CDC73: variants seen among roughly 807,000 people sequenced by gnomAD.
The protein encoded by CDC73 is parafibromin.
In CDC73, 21 loss-of-function variants were observed where a neutral mutation model predicts 83.7. The observed-to-expected ratio is 0.25, with a 90% CI of 0.18 to 0.36. The LOEUF (loss-of-function observed/expected upper bound fraction) is 0.36, where lower values mean the gene tolerates loss of function less well. CDC73 is among the 10% of genes least tolerant of loss of function. The pLI, the probability that CDC73 is intolerant of heterozygous loss-of-function variation, is 1.00. For synonymous variants in CDC73, 224 were observed against 212.9 expected, an observed-to-expected ratio of 1.05 and a Z score of -0.45; for missense variants, 342 against 653.3, an observed-to-expected ratio of 0.52 and a Z score of 5.19.
rs1678033931 is a variant in CDC73, at chr1:193,250,902, C to T, written c.*190C>T. The T allele has an allele frequency of 3.4e-6, 2 of 592,326 alleles. No individual in the cohort carries two copies. Among genetic ancestry groups the T allele is most frequent in the African/African-American group, 3.7e-5 (2 of 53,338 alleles). 36.7% of individuals were successfully genotyped at this position (592,326 alleles called of 1,614,324 possible). On this transcript the variant is annotated 3_prime_UTR_variant, in exon 17 of 17. Transcript: ENST00000367435. ...TTACAACTATTTTTTTAATATTAGC[C>T]TTCTAGTCTGTAATGGAAATTGTAT...
intron 11 of CDC73, among the ~76,000 whole-genome samples, chr1:193,208,125 T>C (rs1677220181): frequency 6.6e-6 from 1 of 152,250 alleles, no homozygotes; most frequent in African/African-American, 2.4e-5. Flanking sequence ...GTTTCTTAAA[T>C]CAAAAACTTG....
intron 10 of CDC73, among the ~76,000 whole-genome samples, chr1:193,159,104 C>T (rs1229948759): frequency 6.6e-6 from 1 of 152,064 alleles, no homozygotes; most frequent in African/African-American, 2.4e-5. Flanking sequence ...TAATAATTTT[C>T]CCCCTTGTGA....
At chr1:193,184,122 A>G (rs1053823390) in intron 10 of CDC73, among the ~76,000 whole-genome samples, 3 of 151,896 alleles carry the variant, frequency 2.0e-5, no homozygotes, top group Non-Finnish European at 4.4e-5. Flanking sequence ...ATAGAGATGC[A>G]TCTTAATTTA....
At chr1:193,134,208 T>A (rs1675746754) in intron 3 of CDC73, among the ~76,000 whole-genome samples, 1 of 152,050 alleles carries the variant, frequency 6.6e-6, no homozygotes, top group African/African-American at 2.4e-5. Flanking sequence ...ATATATAATA[T>A]CTATATGTAC....
At chr1:193,161,639 AT>A (rs1676313332) in intron 10 of CDC73, among the ~76,000 whole-genome samples, 1 of 93,850 alleles carries the variant, frequency 1.1e-5, no homozygotes, top group Non-Finnish European at 2.0e-5. Context: ...TATATAATAT[AT>A]TATATAATAT....
intron 7 of CDC73, among the ~76,000 whole-genome samples, chr1:193,146,794 T>A (rs1433118283): frequency 2.0e-5 from 3 of 152,204 alleles, no homozygotes; most frequent in Non-Finnish European, 4.4e-5. Context: ...AGCATGTAAT[T>A]GCATTGTGAG....
At chr1:193,181,450 G>A (rs2103159403) in intron 10 of CDC73, 1 of 1,613,974 alleles carries the variant, frequency 6.2e-7, no homozygotes, top group Non-Finnish European at 8.5e-7. Flanking sequence ...CAAAAACATA[G>A]CAAAAAGAAA....
At chr1:193,221,384 GT>G in intron 13 of CDC73, among the ~76,000 whole-genome samples, 1 of 151,468 alleles carries the variant, frequency 6.6e-6, no homozygotes, top group Admixed American at 6.6e-5. Context: ...GTATTGTGTT[GT>G]TTTTTTGTTT....
At chr1:193,174,867 T>G (rs1676575690) in intron 10 of CDC73, among the ~76,000 whole-genome samples, 2 of 152,182 alleles carry the variant, frequency 1.3e-5, no homozygotes, top group Non-Finnish European at 2.9e-5. Context: ...TAGAGAAAAC[T>G]TGATTTGATA....
In CDC73 at chr1:193,180,897, A is replaced by G. The variant is rs376102979; in HGVS notation, c.973-22898A>G. 1.4e-5 allele frequency: 22 copies of G among 1,613,876 alleles called. No homozygotes were observed. In the East Asian group the frequency reaches 2.9e-4, roughly 21 times the overall value. On this transcript the variant is annotated intron_variant, in intron 10 of 16. Coordinates refer to ENST00000367435, the MANE Select transcript of CDC73 (RefSeq NM_024529.5). ...TTTTAATGGTCAAATTATAGTACGTATCTAAGTATTCCTGTTGAATTATAT... is the reference window on the plus strand; with the variant it reads ...TTTTAATGGTCAAATTATAGTACGTGTCTAAGTATTCCTGTTGAATTATAT...
intron 1 of CDC73, among the ~76,000 whole-genome samples, chr1:193,123,846 A>G (rs1675513987): frequency 6.6e-6 from 1 of 152,210 alleles, no homozygotes; most frequent in African/African-American, 2.4e-5. Context: ...TTGATGTGAA[A>G]TGCTTTCTAC....
At chr1:193,221,383 TG>T (rs1206667168) in intron 13 of CDC73, among the ~76,000 whole-genome samples, 6 of 152,278 alleles carry the variant, frequency 3.9e-5, no homozygotes, top group South Asian at 4.1e-4. Flanking sequence ...GGTATTGTGT[TG>T]TTTTTTTGTT....
intron 10 of CDC73, among the ~76,000 whole-genome samples, chr1:193,191,764 T>C (rs566566064): frequency 1.1e-4 from 16 of 152,194 alleles, no homozygotes; most frequent in Non-Finnish European, 2.1e-4. Flanking sequence ...TTGGTTGTAT[T>C]ACCTGTGCAT....
intron 10 of CDC73, among the ~76,000 whole-genome samples, chr1:193,193,386 T>G (rs1240340996): frequency 6.6e-6 from 1 of 152,212 alleles, no homozygotes; most frequent in African/African-American, 2.4e-5. Flanking sequence ...ATTTTGTCTT[T>G]CATATATAAA....
intron 10 of CDC73, among the ~76,000 whole-genome samples, chr1:193,188,006 A>G (rs1237293259): frequency 6.6e-6 from 1 of 152,218 alleles, no homozygotes; most frequent in African/African-American, 2.4e-5. Flanking sequence ...TAGTTAACAG[A>G]GTAATGCTTA....
intron 10 of CDC73, chr1:193,186,351 A>G (rs962213698): frequency 1.9e-4 from 29 of 152,208 alleles, no homozygotes; most frequent in African/African-American, 3.1e-4. Context: ...TACATCTGCT[A>G]TTTTCCTGGC....
At chr1:193,151,336 A>G (rs1433871089) in intron 9 of CDC73, among the ~76,000 whole-genome samples, 2 of 152,212 alleles carry the variant, frequency 1.3e-5, no homozygotes, top group African/African-American at 4.8e-5. Context: ...TAGAAAGACT[A>G]CGTCCATTCT....
At chr1:193,152,841 G>GCGAT (rs1676142827) in intron 10 of CDC73, among the ~76,000 whole-genome samples, 1 of 151,942 alleles carries the variant, frequency 6.6e-6, no homozygotes, top group African/African-American at 2.4e-5. Context: ...GTGCAGTGGT[G>GCGAT]CGATCTCGGC....
At chr1:193,198,151 G>C (rs1296100790) in intron 10 of CDC73, among the ~76,000 whole-genome samples, 1 of 152,158 alleles carries the variant, frequency 6.6e-6, no homozygotes, top group Admixed American at 6.5e-5. Context: ...TATCAAGATT[G>C]GAGGAGTAGT....
Sources: gnomAD v4.1 joint callset for allele counts (sites outside exome capture counted in the v4.1 genomes callset) on GRCh38, gnomAD v4.1.1 for gene constraint, MANE v1.5 for transcripts, NCBI Gene and HGNC (gene_info 2026-07-23, HGNC 2026-07-21) for gene names.